Variants in ZNF385B observed in about 807,000 individuals in gnomAD.
ZNF385B encodes zinc finger protein 385B.
Under a neutral mutation model 39.2 loss-of-function variants are expected in ZNF385B, and 23 were observed. The ratio of observed to expected loss-of-function variants is 0.59; its 90% CI spans 0.42 to 0.83. The LOEUF (loss-of-function observed/expected upper bound fraction) is 0.83, where lower values mean the gene tolerates loss of function less well. Ranked by LOEUF, ZNF385B falls within the 40% of genes least tolerant of loss-of-function variation. The pLI is 0.00. For synonymous variants in ZNF385B, 205 were observed against 222.6 expected (o/e 0.92, Z 0.70); for missense variants, 552 against 598.9 (o/e 0.92, Z 0.82).
Position 179,478,683 on chromosome 2 carries a change from A to C in ZNF385B, c.715+4589T>G, listed in dbSNP as rs73037368. ...TTACATACTTTAAACTAGAAATGTC[A>C]TTTCCTCATATTGATATCTAATTAA... On this transcript the variant is annotated intron_variant, in intron 6 of 9. Transcript: ENST00000410066. 3.2e-3 allele frequency among the ~76,000 whole-genome samples: 492 copies of C among 152,318 alleles called. 1 individual carries two copies. Among genetic ancestry groups the C allele is most frequent in the African/African-American group, 0.011 (459 of 41,568 alleles).
intron 5 of ZNF385B, among the ~76,000 whole-genome samples, chr2:179,510,669 T>TA (rs1198278719): frequency 2.6e-5 from 4 of 151,288 alleles, no homozygotes; most frequent in East Asian, 1.9e-4. Flanking sequence ...GTTGTTAAGC[T>TA]AAAAAAACTT....
intron 3 of ZNF385B, among the ~76,000 whole-genome samples, chr2:179,666,552 G>A (rs1462044619): frequency 2.0e-5 from 3 of 152,062 alleles, no homozygotes; most frequent in Non-Finnish European, 2.9e-5. Context: ...TTGAATACAT[G>A]TTATATAATC....
chr2:179,610,519 GA>G (rs1689201684), intron 3 of ZNF385B, among the ~76,000 whole-genome samples: 1 of 152,052 alleles, frequency 6.6e-6, no homozygotes, highest in Non-Finnish European at 1.5e-5. Flanking sequence ...TGTTGCTCAG[GA>G]TATCATTGGC....
chr2:179,580,600 T>C (rs1459968489), intron 3 of ZNF385B, among the ~76,000 whole-genome samples: 3 of 152,206 alleles, frequency 2.0e-5, no homozygotes, highest in Admixed American at 1.3e-4. Context: ...CTAATAGGGC[T>C]AGTTCCCTTA....
intron 1 of ZNF385B, among the ~76,000 whole-genome samples, chr2:179,825,987 T>C (rs1707661541): frequency 6.6e-6 from 1 of 152,158 alleles, no homozygotes; most frequent in Non-Finnish European, 1.5e-5. Context: ...GCAGCTTTAT[T>C]GACACTAAAT....
chr2:179,656,125 AT>A (rs1164641635), intron 3 of ZNF385B, among the ~76,000 whole-genome samples: 2 of 152,162 alleles, frequency 1.3e-5, no homozygotes, highest in African/African-American at 4.8e-5. Flanking sequence ...TTCATGGATA[AT>A]ACCTTTACCT....
intron 4 of ZNF385B, among the ~76,000 whole-genome samples, chr2:179,528,767 C>T (rs2059081320): frequency 6.6e-6 from 1 of 152,184 alleles, no homozygotes; most frequent in Admixed American, 6.5e-5. Flanking sequence ...CTGACTGGAG[C>T]TGAATGTCTA....
intron 3 of ZNF385B, among the ~76,000 whole-genome samples, chr2:179,651,854 G>A (rs1018324715): frequency 6.6e-6 from 1 of 152,136 alleles, no homozygotes; most frequent in African/African-American, 2.4e-5. Context: ...TGAACCTGAA[G>A]AAGATAGTGC....
intron 3 of ZNF385B, among the ~76,000 whole-genome samples, chr2:179,705,937 T>C (rs540333038): frequency 6.6e-6 from 1 of 152,368 alleles, no homozygotes; most frequent in South Asian, 2.1e-4. Context: ...TCCCTCTCTC[T>C]GTCCCCTTTC....
At chr2:179,744,623 A>C (rs1011012832) in intron 3 of ZNF385B, among the ~76,000 whole-genome samples, 1 of 152,104 alleles carries the variant, frequency 6.6e-6, no homozygotes, top group Non-Finnish European at 1.5e-5. Flanking sequence ...TATCAAACAA[A>C]TACACACTTA....
At chr2:179,471,755 A>C (rs886650219) in intron 6 of ZNF385B, among the ~76,000 whole-genome samples, 1 of 152,164 alleles carries the variant, frequency 6.6e-6, no homozygotes, top group Middle Eastern at 3.2e-3. Flanking sequence ...AAAAGCTGTA[A>C]ATTTCATTTT....
chr2:179,767,336 T>C (rs1335890675), intron 3 of ZNF385B, among the ~76,000 whole-genome samples: 1 of 152,274 alleles, frequency 6.6e-6, no homozygotes, highest in East Asian at 1.9e-4. Context: ...TCCGCCTTTC[T>C]ATCCTTCTAT....
intron 3 of ZNF385B, among the ~76,000 whole-genome samples, chr2:179,627,806 GT>G (rs71401751): frequency 2.3e-4 from 34 of 150,780 alleles, no homozygotes; most frequent in African/African-American, 4.1e-4. Context: ...TATTGATCAA[GT>G]TTTTTTTTTC....
chr2:179,635,029 C>A, intron 3 of ZNF385B, among the ~76,000 whole-genome samples: 1 of 150,086 alleles, frequency 6.7e-6, no homozygotes, highest in South Asian at 2.1e-4. Flanking sequence ...GTATTCCCAG[C>A]TACTTGGGAG....
chr2:179,514,295 C>G (rs1409169838), intron 5 of ZNF385B: 1 of 152,334 alleles, frequency 6.6e-6, no homozygotes, highest in African/African-American at 2.4e-5. Context: ...TAGCATCACT[C>G]TGACTGCCTA....
At chr2:179,801,910 T>C (rs1225736619) in intron 1 of ZNF385B, among the ~76,000 whole-genome samples, 2 of 152,136 alleles carry the variant, frequency 1.3e-5, no homozygotes, top group Non-Finnish European at 2.9e-5. Flanking sequence ...GAAATTGCTA[T>C]GAAATACTAA....
At chr2:179,663,354 T>C (rs1433079547) in intron 3 of ZNF385B, among the ~76,000 whole-genome samples, 1 of 152,146 alleles carries the variant, frequency 6.6e-6, no homozygotes, top group African/African-American at 2.4e-5. Context: ...TGATAACCAT[T>C]CACCTACTAG....
intron 3 of ZNF385B, among the ~76,000 whole-genome samples, chr2:179,751,188 A>T (rs1435252790): frequency 8.0e-6 from 1 of 125,682 alleles, no homozygotes; most frequent in Admixed American, 1.0e-4. Context: ...TCTCCCCTAC[A>T]GATTCTGCCT....
chr2:179,771,371 C>G (rs1704000467), intron 1 of ZNF385B, among the ~76,000 whole-genome samples: 1 of 152,172 alleles, frequency 6.6e-6, no homozygotes, highest in Non-Finnish European at 1.5e-5. Context: ...TGTTTATACC[C>G]ATACATCCAA....
Sources: allele counts gnomAD v4.1 joint callset (sites outside exome capture counted in the v4.1 genomes callset), GRCh38; gene constraint gnomAD v4.1.1; transcripts MANE v1.5; gene names NCBI Gene and HGNC (gene_info 2026-07-23, HGNC 2026-07-21).